The following RTKN variants were observed in gnomAD, a reference collection of about 807,000 sequenced individuals.
RTKN encodes rhotekin.
Under a neutral mutation model 63.5 loss-of-function variants are expected in RTKN, and 49 were observed. The observed-to-expected ratio is 0.77, with a 90% CI of 0.61 to 0.98. The LOEUF (loss-of-function observed/expected upper bound fraction) is 0.98, where lower values mean the gene tolerates loss of function less well. Among genes scored for constraint, RTKN ranks in the 50% least tolerant of loss-of-function variants. RTKN has a pLI of 0.00. For missense variants in RTKN, 685 were observed against 740.8 expected, an observed-to-expected ratio of 0.92 and a Z score of 0.87; for synonymous variants, 295 against 290.4, an observed-to-expected ratio of 1.02 and a Z score of -0.16.
At chr2:74,427,814 AG>A (rs1167509262) in intron 9 of RTKN, 3 of 548,906 alleles carry the variant, frequency 5.5e-6, no homozygotes, top group Non-Finnish European at 9.7e-6. Context: ...ACAGGGAAAA[AG>A]GGATTGAGCA....
At chr2:74,439,189 CCA>C (rs1249112579) in intron 1 of RTKN, among the ~76,000 whole-genome samples, 1 of 152,170 alleles carries the variant, frequency 6.6e-6, no homozygotes, top group Non-Finnish European at 1.5e-5. Flanking sequence ...TACTCATAGC[CCA>C]GAGTCCTTCT....
Position 74,426,433 on chromosome 2 carries a change from A to T in RTKN, c.1502T>A (p.Val501Glu). The change falls in exon 12 of 12, where the codon GTG (valine) becomes GAG (glutamate). Residue 501 changes from valine (V) to glutamate (E), a missense_variant. Transcript: ENST00000272430. ...ALPNPCSPAS[V>E]APAPDWTHPL... ...GTGGGTCCAGTCTGGGGCTGGGGCC[A>T]CTGAGGCAGGCGAGCAGGGGTTAGG... 1.2e-6 allele frequency: 2 copies of T among 1,612,318 alleles called. No individual in the cohort carries two copies. The highest frequency in any genetic ancestry group is 1.1e-5 in the South Asian group (1 of 90,936).
In RTKN at chr2:74,428,398, T is replaced by G; in HGVS notation, c.958-2A>C. ...CCAGTTCTGCATCTCCCCAGCTTGC[T>G]GCACAAATGACTCAACATTTTCTGG... On this transcript the variant is annotated splice_acceptor_variant, in intron 8 of 11. Coordinates refer to ENST00000272430, the MANE Select transcript of RTKN (RefSeq NM_001015055.2). LOFTEE classifies it high-confidence loss of function. The G allele has an allele frequency of 1.2e-6, 2 of 1,614,194 alleles. No individual in the cohort carries two copies. The highest frequency in any genetic ancestry group is 1.1e-5 in the South Asian group (1 of 91,090).
chr2:74,434,277 A>AT (rs1670934535), intron 1 of RTKN, among the ~76,000 whole-genome samples: 1 of 119,940 alleles, frequency 8.3e-6, no homozygotes, highest in East Asian at 2.8e-4. Context: ...TAAGTTTTGT[A>AT]TTCTTTTTTT....
intron 1 of RTKN, chr2:74,439,755 G>A (rs1273992276): frequency 6.6e-7 from 1 of 1,511,768 alleles, no homozygotes; most frequent in Non-Finnish European, 8.9e-7. Context: ...TTGGGCAGAG[G>A]GCAGAAGCTG....
chr2:74,436,861 A>T lies in RTKN; in HGVS notation c.112-4195T>A, dbSNP rs1671090961. 6.6e-6 allele frequency among the ~76,000 whole-genome samples: 1 copy of T among 152,082 alleles called. No individual in the cohort carries two copies. Among genetic ancestry groups the T allele is most frequent in the East Asian group, 1.9e-4 (1 of 5,178 alleles). On this transcript the variant is annotated intron_variant, in intron 1 of 11. Transcript: ENST00000272430. The surrounding 1 kb of genome is among the most constrained non-coding windows in gnomAD (Gnocchi z 4.3). ...CTTCTAGCGTTTCCCCAACCCAGGG[A>T]TAGTTCCTTGTTGCCCCCTCCCCAC...
chr2:74,426,075 C>A lies in RTKN; in HGVS notation c.*168G>T. ...AATGAGTCCCTCGGTACCATGGCAACCACAATTTAAGAGGGGCTTCTGCCC... is the reference window on the plus strand; with the variant it reads ...AATGAGTCCCTCGGTACCATGGCAAACACAATTTAAGAGGGGCTTCTGCCC... On this transcript the variant is annotated 3_prime_UTR_variant, in exon 12 of 12. Coordinates refer to ENST00000272430, the MANE Select transcript of RTKN (RefSeq NM_001015055.2). 1.4e-6 allele frequency: 1 copy of A among 721,336 alleles called. No homozygotes were observed. Among genetic ancestry groups the A allele is most frequent in the Non-Finnish European group, 2.3e-6 (1 of 426,238 alleles). The allele number at this position is 721,336 out of a possible 1,614,324, so 44.7% of individuals were successfully genotyped here. A position where few individuals can be genotyped will look rare whatever the true frequency, so the allele number is the denominator to read the frequency against.
At position 74,441,696 on chromosome 2, in the gene RTKN, A is replaced by C; in HGVS notation, c.111+10T>G. 6.3e-7 allele frequency: 1 copy of C among 1,599,276 alleles called. No individual in the cohort carries two copies. Among genetic ancestry groups the C allele is most frequent in the South Asian group, 1.1e-5 (1 of 89,204 alleles). On this transcript the variant is annotated intron_variant, in intron 1 of 11. Transcript: ENST00000272430. The stretch of plus-strand genomic sequence containing the variant: ...CGCGGAAGGGGAAGGCAGGGACGCG[A>C]GTCTCTCACCTCGGGCAGGTCGCTG...
At position 74,428,619 on chromosome 2, in the gene RTKN, G is replaced by A. The variant is rs769711104; in HGVS notation, c.957+12C>T. On this transcript the variant is annotated intron_variant, in intron 8 of 11. Transcript: ENST00000272430. The stretch of plus-strand genomic sequence containing the variant: ...TCTCCCTGCTCCCTTCCACTCCTCA[G>A]GGCCCCCTCACCTGCACCCTGAGGG... The A allele has an allele frequency of 1.9e-6, 3 of 1,607,938 alleles. No homozygotes were observed. The highest frequency in any genetic ancestry group is 2.6e-6 in the Non-Finnish European group (3 of 1,175,834).
rs1283136717 is a variant in RTKN, at chr2:74,428,739, TG to T, written c.851-3del. 8 of 1,612,674 alleles carry T rather than the reference TG, an allele frequency of 5.0e-6. No individual in the cohort carries two copies. The highest frequency in any genetic ancestry group is 6.8e-6 in the Non-Finnish European group (8 of 1,179,082). On this transcript the variant is annotated splice_polypyrimidine_tract_variant and splice_region_variant and intron_variant, in intron 7 of 11. Coordinates refer to ENST00000272430, the MANE Select transcript of RTKN (RefSeq NM_001015055.2). ...GGGGCAGCCAGGCAGGGTTCTCCTC[TG>T]GGGGAGGAGGAAGTGCAGGGTGAGG...
rs780513767 is a variant in RTKN at position 74,436,334 on chromosome 2, C to A, written c.112-3668G>T. Reference sequence around the variant, plus strand: ...GGCGCCAGCATAGCTGCACCGCCTCCAGCTGCAGCGCTCAGGACGCCGGTG... The same window carrying A: ...GGCGCCAGCATAGCTGCACCGCCTCAAGCTGCAGCGCTCAGGACGCCGGTG... On this transcript the variant is annotated intron_variant, in intron 1 of 11. Transcript: ENST00000272430. The surrounding 1 kb of genome is among the most constrained non-coding windows in gnomAD (Gnocchi z 4.3). Among the ~76,000 whole-genome samples, 3 of 152,256 alleles carry A rather than the reference C, an allele frequency of 2.0e-5. No homozygotes were observed. Among genetic ancestry groups the A allele is most frequent in the Non-Finnish European group, 2.9e-5 (2 of 68,048 alleles).
chr2:74,426,695 G>A (rs1162232540), intron 11 of RTKN, 121 bp from the exon 12 acceptor site: 3 of 1,418,148 alleles, frequency 2.1e-6, no homozygotes, highest in African/African-American at 2.9e-5. Flanking sequence ...TCTCAGTGGA[G>A]ATTGCGTTAT....
Position 74,436,729 on chromosome 2 carries a change from C to A in RTKN, c.112-4063G>T, listed in dbSNP as rs1363628544. ...CTATTTCCCTACTGATCTCCAGCCC[C>A]AAATCCACTCTCCCAAGGCCCAAGG... On this transcript the variant is annotated intron_variant, in intron 1 of 11. Coordinates refer to ENST00000272430, the MANE Select transcript of RTKN (RefSeq NM_001015055.2). The surrounding 1 kb of genome is among the most constrained non-coding windows in gnomAD (Gnocchi z 4.3). 1.3e-5 allele frequency among the ~76,000 whole-genome samples: 2 copies of A among 152,120 alleles called. No individual in the cohort carries two copies. The highest frequency in any genetic ancestry group is 2.9e-5 in the Non-Finnish European group (2 of 67,990).
chr2:74,441,406 C>T (rs1400724296), intron 1 of RTKN, among the ~76,000 whole-genome samples: 3 of 152,210 alleles, frequency 2.0e-5, no homozygotes, highest in Non-Finnish European at 2.9e-5. Flanking sequence ...ATGCCCAAGA[C>T]ATTTTGGGGT....
At chr2:74,431,671 G>A (rs1670759988) in intron 2 of RTKN, 1 of 152,414 alleles carries the variant, frequency 6.6e-6, no homozygotes, top group Admixed American at 6.5e-5. Flanking sequence ...CCTTCTTCTG[G>A]TAGCTTCATG....
At position 74,436,874 on chromosome 2, in the gene RTKN, G is replaced by A. The variant is rs1671092215; in HGVS notation, c.112-4208C>T. Among the ~76,000 whole-genome samples, 1 of 152,014 alleles carries A rather than the reference G, an allele frequency of 6.6e-6. No individual in the cohort carries two copies. The highest frequency in any genetic ancestry group is 2.1e-4 in the South Asian group (1 of 4,826). ...CCCAACCCAGGGATAGTTCCTTGTT[G>A]CCCCCTCCCCACCCAAACACACCCT... is the stretch of plus-strand genomic sequence containing the variant. On this transcript the variant is annotated intron_variant, in intron 1 of 11. Transcript: ENST00000272430. This position sits in a 1 kb window ranked among gnomAD's most constrained non-coding sequence, Gnocchi z 4.3.
Position 74,428,718 on chromosome 2 carries a change from C to G in RTKN, c.870G>C (p.Leu290=). ...GGCAACACACGCTACCATAAAGGGG[C>G]AGCCAGGCAGGGTTCTCCTCTGGGG... is the stretch of plus-strand genomic sequence containing the variant. ...LASHEENPAW[L]PLYGSVCCRL... is the part of the protein sequence containing the mutation. Residue 290 remains leucine, a synonymous_variant, in exon 8 of 12, where the codon CTG becomes CTC. Coordinates refer to ENST00000272430, the MANE Select transcript of RTKN (RefSeq NM_001015055.2). 6.2e-7 allele frequency: 1 copy of G among 1,613,918 alleles called. No homozygotes were observed. Among genetic ancestry groups the G allele is most frequent in the South Asian group, 1.1e-5 (1 of 91,014 alleles).
At chr2:74,438,632 C>A (rs917816153) in intron 1 of RTKN, among the ~76,000 whole-genome samples, 4 of 152,238 alleles carry the variant, frequency 2.6e-5, no homozygotes, top group African/African-American at 9.6e-5. Context: ...ATCAGCTCCA[C>A]CCCAACTACT....
chr2:74,434,841 G>A (rs1670967364), intron 1 of RTKN, among the ~76,000 whole-genome samples: 1 of 152,194 alleles, frequency 6.6e-6, no homozygotes, highest in Non-Finnish European at 1.5e-5. Flanking sequence ...AGAATCTCTA[G>A]GAGTGGGGCA....
Sources: allele counts gnomAD v4.1 joint callset (sites outside exome capture counted in the v4.1 genomes callset), GRCh38; gene constraint gnomAD v4.1.1; non-coding constraint Gnocchi (gnomAD v3.1); transcripts MANE v1.5; gene names NCBI Gene and HGNC (gene_info 2026-07-23, HGNC 2026-07-21).